DPP10: variants seen among roughly 807,000 people sequenced by gnomAD.
DPP10 encodes the protein inactive dipeptidyl peptidase 10.
A neutral mutation model predicts 120.9 loss-of-function variants in DPP10; 33 were observed. The observed-to-expected ratio is 0.27, with a 90% CI of 0.21 to 0.37. The LOEUF is 0.37. Ranked by LOEUF, DPP10 falls within the 10% of genes least tolerant of loss-of-function variation. DPP10 has a pLI of 1.00. For missense variants in DPP10, 816 were observed against 942.8 expected (o/e 0.87, Z 1.76); for synonymous variants, 337 against 326.1 (o/e 1.03, Z -0.36).
intron 1 of DPP10, among the ~76,000 whole-genome samples, chr2:114,671,525 C>T (rs966042871): frequency 6.6e-6 from 1 of 152,100 alleles, no homozygotes; most frequent in African/African-American, 2.4e-5. Context: ...AACCTCTTTT[C>T]TTTATAAATT....
At chr2:115,251,705 A>G (rs1283706468) in intron 1 of DPP10, among the ~76,000 whole-genome samples, 1 of 152,226 alleles carries the variant, frequency 6.6e-6, no homozygotes, top group Non-Finnish European at 1.5e-5. Flanking sequence ...CTCCAACATT[A>G]TTAATGATTT....
chr2:115,144,418 G>A (rs1239188710), intron 1 of DPP10: 2 of 152,056 alleles, frequency 1.3e-5, no homozygotes, highest in African/African-American at 4.8e-5. Context: ...ACGTCGAATA[G>A]TTAAGAGTAC....
At chr2:114,927,006 C>T (rs960871419) in intron 1 of DPP10, among the ~76,000 whole-genome samples, 5 of 151,834 alleles carry the variant, frequency 3.3e-5, no homozygotes, top group Admixed American at 1.3e-4. Context: ...GCCCCCACCA[C>T]GCCCAGCTAA....
At chr2:115,591,513 T>C (rs1399039071) in intron 5 of DPP10, among the ~76,000 whole-genome samples, 2 of 152,228 alleles carry the variant, frequency 1.3e-5, no homozygotes, top group Non-Finnish European at 2.9e-5. Flanking sequence ...CATTGGTCTA[T>C]ATCTCTGTTT....
At chr2:115,365,644 C>T (rs907922243) in intron 3 of DPP10, among the ~76,000 whole-genome samples, 1 of 151,814 alleles carries the variant, frequency 6.6e-6, no homozygotes, top group Admixed American at 6.6e-5. Flanking sequence ...AACCAGAAAG[C>T]GTTTTAGAGA....
rs188355128 is a variant in DPP10, at chr2:114,515,316, C to T, written c.60+72478C>T. Among the ~76,000 whole-genome samples the T allele has an allele frequency of 2.0e-5, 3 of 152,270 alleles. No individual in the cohort carries two copies. In the East Asian group the frequency reaches 5.8e-4, roughly 29 times the overall value. ...TTTAAAGGTACCGAAGTCCAGACGT[C>T]TAATATACCCTAGAATCTCTCTGCA... On this transcript the variant is annotated intron_variant, in intron 1 of 25. Coordinates refer to ENST00000410059, the MANE Select transcript of DPP10 (RefSeq NM_020868.6).
Position 115,840,822 on chromosome 2 carries a change from A to G in DPP10, c.2255A>G (p.Gln752Arg), listed in dbSNP as rs759487335. 14 of 1,609,196 alleles carry G rather than the reference A, an allele frequency of 8.7e-6. No individual in the cohort carries two copies. Among genetic ancestry groups the G allele is most frequent in the South Asian group, 6.6e-5 (6 of 90,304 alleles). ...AAAGCTGGAGTGAATTATACTATGC[A>G]GGTAAGCTACTTTCTTAGAAGAACG... is the stretch of plus-strand genomic sequence containing the variant. Reference protein sequence around the residue: ...LIKAGVNYTMQVYPDEGHNVS... With the variant: ...LIKAGVNYTMRVYPDEGHNVS... Residue 752 changes from glutamine (Q) to arginine (R), a missense_variant and splice_region_variant, in exon 25 of 26, where the codon CAG becomes CGG. Physicochemically the swap from Gln to Arg is conservative, Grantham distance 43. Transcript: ENST00000410059.
intron 3 of DPP10, among the ~76,000 whole-genome samples, chr2:115,496,377 A>G (rs925461801): frequency 4.1e-5 from 6 of 146,024 alleles, no homozygotes; most frequent in South Asian, 4.4e-4. Context: ...ACAAATCTCA[A>G]TTCTCTGTAG....
intron 3 of DPP10, among the ~76,000 whole-genome samples, chr2:115,395,832 G>A (rs35777208): frequency 0.078 from 11,888 of 151,542 alleles, 649 homozygotes; most frequent in Non-Finnish European, 0.11. Context: ...GATGAGAATG[G>A]GAATGACACA....
intron 1 of DPP10, among the ~76,000 whole-genome samples, chr2:114,445,016 T>C (rs1677861426): frequency 6.6e-6 from 1 of 152,184 alleles, no homozygotes; most frequent in Non-Finnish European, 1.5e-5. Context: ...AAAATGGCTA[T>C]CTATATTTAG....
intron 1 of DPP10, among the ~76,000 whole-genome samples, chr2:114,985,365 A>T (rs900072652): frequency 6.6e-6 from 1 of 152,118 alleles, no homozygotes; most frequent in Non-Finnish European, 1.5e-5. Flanking sequence ...ATTTTCTATC[A>T]CATCACCATA....
chr2:115,327,033 G>C (rs2062407095), intron 2 of DPP10, among the ~76,000 whole-genome samples: 2 of 151,904 alleles, frequency 1.3e-5, no homozygotes, highest in East Asian at 1.9e-4. Context: ...AATCCTACAA[G>C]CTCCATTCTT....
chr2:114,602,058 G>C (rs1436575555), intron 1 of DPP10, among the ~76,000 whole-genome samples: 1 of 151,782 alleles, frequency 6.6e-6, no homozygotes, highest in Non-Finnish European at 1.5e-5. Flanking sequence ...GTGTTATTTG[G>C]TTTGAATTTA....
At chr2:115,538,523 A>G (rs2078998469) in intron 5 of DPP10, among the ~76,000 whole-genome samples, 1 of 152,054 alleles carries the variant, frequency 6.6e-6, no homozygotes, top group South Asian at 2.1e-4. Context: ...AATCAAGATT[A>G]CAGATAACCT....
intron 1 of DPP10, among the ~76,000 whole-genome samples, chr2:115,251,763 C>T (rs1470913590): frequency 1.3e-5 from 2 of 152,056 alleles, no homozygotes; most frequent in African/African-American, 4.8e-5. Context: ...AGTGAGGAGT[C>T]ATAAATATGA....
At position 115,815,004 on chromosome 2, in the gene DPP10, T is replaced by G; in HGVS notation, c.1895+17T>G. ...AGCTGTGAAGTAAGTGGATGCACAT[T>G]TTTCTTCTCTGTTTTCTATAATGAC... On this transcript the variant is annotated intron_variant, in intron 20 of 25. Coordinates refer to ENST00000410059, the MANE Select transcript of DPP10 (RefSeq NM_020868.6). 1 of 1,569,366 alleles carries G rather than the reference T, an allele frequency of 6.4e-7. No homozygotes were observed. Among genetic ancestry groups the G allele is most frequent in the Non-Finnish European group, 8.7e-7 (1 of 1,147,618 alleles).
chr2:115,214,193 A>G (rs1000580312), intron 1 of DPP10, among the ~76,000 whole-genome samples: 2 of 152,166 alleles, frequency 1.3e-5, no homozygotes, highest in African/African-American at 4.8e-5. Flanking sequence ...ATGTGGAATG[A>G]ATAGGGGTTT....
At chr2:115,062,005 G>A (rs1220035178) in intron 1 of DPP10, among the ~76,000 whole-genome samples, 1 of 150,502 alleles carries the variant, frequency 6.6e-6, no homozygotes, top group African/African-American at 2.4e-5. Flanking sequence ...TTTCCATAAT[G>A]TGGACTCAAT....
At chr2:114,448,009 A>AT (rs1390858073) in intron 1 of DPP10, among the ~76,000 whole-genome samples, 3 of 152,194 alleles carry the variant, frequency 2.0e-5, no homozygotes, top group African/African-American at 7.2e-5. Context: ...ACCACTTACA[A>AT]TTTCCATTTA....
Sources: allele counts gnomAD v4.1 joint callset (sites outside exome capture counted in the v4.1 genomes callset), GRCh38; gene constraint gnomAD v4.1.1; transcripts MANE v1.5; gene names NCBI Gene and HGNC (gene_info 2026-07-23, HGNC 2026-07-21).